Variants in SYCP3 observed in about 807,000 individuals in gnomAD.
SYCP3 encodes synaptonemal complex protein 3.
Under a neutral mutation model 38.5 loss-of-function variants are expected in SYCP3, and 29 were observed. The observed-to-expected ratio is 0.75, with a 90% confidence interval of 0.56 to 1.03. The LOEUF (loss-of-function observed/expected upper bound fraction) is 1.03. SYCP3 is among the 50% of genes least tolerant of loss of function. The probability of loss-of-function intolerance (pLI) is 0.00; values close to 1 mark genes in which losing one functional copy is unlikely to be tolerated. For synonymous variants in SYCP3, 79 were observed against 80.3 expected, an observed-to-expected ratio of 0.98 and a Z score of 0.08; for missense variants, 242 against 270.7, an observed-to-expected ratio of 0.89 and a Z score of 0.74.
chr12:101,730,534 C>T (rs548335273), intron 7 of SYCP3: 122 of 386,214 alleles, frequency 3.2e-4, no homozygotes, highest in South Asian at 2.2e-3. Context: ...CTCGCTGTCG[C>T]CCAGGCTGGA....
At chr12:101,736,868 TTAAC>T (rs1336521772) in intron 4 of SYCP3, among the ~76,000 whole-genome samples, 165 bp downstream of exon 4, 3 of 152,116 alleles carry the variant, frequency 2.0e-5, no homozygotes, top group Admixed American at 6.5e-5. Flanking sequence ...ATGGAAAAGA[TTAAC>T]TATGAAAATC....
intron 5 of SYCP3, 74 bp from the exon 6 acceptor site, chr12:101,733,748 A>T (rs2137060594): frequency 7.5e-7 from 1 of 1,340,152 alleles, no homozygotes; most frequent in East Asian, 2.4e-5. Context: ...AACTGAGTTG[A>T]CACAGTTATA....
At position 101,728,784 on chromosome 12, in the gene SYCP3, CAGAA is replaced by C; in HGVS notation, c.*139_*142del. 1 of 1,186,814 alleles carries C rather than the reference CAGAA, an allele frequency of 8.4e-7. No individual in the cohort carries two copies. The highest frequency in any genetic ancestry group is 1.4e-5 in the South Asian group (1 of 71,698). The allele number at this position is 1,186,814 out of a possible 1,614,324, so 73.5% of individuals were successfully genotyped here. On this transcript the variant is annotated 3_prime_UTR_variant, in exon 9 of 9. Coordinates refer to ENST00000392924, the MANE Select transcript of SYCP3 (RefSeq NM_001177949.2). ...TCATAACTATTTAGATTTGACTTAACAGAAAGGGAGGTCTTACAATGAAACAGGT... is the reference window on the plus strand; with the variant it reads ...TCATAACTATTTAGATTTGACTTAACAGGGAGGTCTTACAATGAAACAGGT...
chr12:101,735,871 A>ATATATATTTTT lies in SYCP3; in HGVS notation c.236-828_236-827insAAAAATATATA. Among the ~76,000 whole-genome samples the ATATATATTTTT allele has an allele frequency of 5.3e-5, 4 of 74,790 alleles. 1 individual carries two copies. The highest frequency in any genetic ancestry group is 1.9e-4 in the African/African-American group (3 of 15,920). The allele number at this position is 74,790 out of a possible 152,430, so 49.1% of individuals were successfully genotyped here. On this transcript the variant is annotated intron_variant, in intron 4 of 8. Transcript: ENST00000392924. ...CAATTTTATATATATATATATATAT[A>ATATATATTTTT]TTTTTTTTTTTTTAAAGACACGGGG...
In SYCP3 at chr12:101,737,836, C is replaced by CT. The variant is rs1566057999; in HGVS notation, c.99dup (p.Asp34ArgfsTer11). On this transcript the variant is annotated frameshift_variant, in exon 2 of 9. Coordinates refer to ENST00000392924, the MANE Select transcript of SYCP3 (RefSeq NM_001177949.2). LOFTEE classifies it high-confidence loss of function. Reference sequence around the variant, plus strand: ...ACATCTTCCTCTGATCCACTCAGATCTTTCTTATCTTCAGTCTCAAAGTCA... The same window carrying CT: ...ACATCTTCCTCTGATCCACTCAGATCTTTTCTTATCTTCAGTCTCAAAGTCA... The CT allele has an allele frequency of 6.2e-7, 1 of 1,614,218 alleles. No homozygotes were observed. The highest frequency in any genetic ancestry group is 1.3e-5 in the African/African-American group (1 of 75,066).
In SYCP3 at chr12:101,739,229, C is replaced by T. The variant is rs1239601062; in HGVS notation, c.-18+122G>A. ...CTGCTCAAGGCCCTGTCCTCAGGTT[C>T]GCGGCCTCCGTTTTCTCGTCAGAGG... is the stretch of plus-strand genomic sequence containing the variant. On this transcript the variant is annotated intron_variant, in intron 1 of 8. Coordinates refer to ENST00000392924, the MANE Select transcript of SYCP3 (RefSeq NM_001177949.2). 13 of 984,734 alleles carry T rather than the reference C, an allele frequency of 1.3e-5. No homozygotes were observed. In the African/African-American group the frequency reaches 1.6e-4, roughly 12 times the overall value. 61.0% of individuals were successfully genotyped at this position (984,734 alleles called of 1,614,324 possible). A position where few individuals can be genotyped will look rare whatever the true frequency, so the allele number is the denominator to read the frequency against.
rs1280263318 is a variant in SYCP3, at chr12:101,731,591, G to A, written c.529C>T (p.Gln177Ter). The A allele has an allele frequency of 1.2e-6, 2 of 1,605,978 alleles. No homozygotes were observed. The highest frequency in any genetic ancestry group is 2.7e-5 in the African/African-American group (2 of 74,740). ...ACCTTTATGAACTGCTCATATAACT[G>A]TTTAATTGTTTTCAATCTCTGGCTC... Reference protein sequence around the residue: ...VQSQRLKTIKQLYEQFIKSME... With the variant: ...VQSQRLKTIK The change falls in exon 7 of 9, where the codon CAG (glutamine) becomes TAG (stop). Residue 177 changes from glutamine to a stop codon, truncating the protein, a stop_gained. Coordinates refer to ENST00000392924, the MANE Select transcript of SYCP3 (RefSeq NM_001177949.2). LOFTEE classifies it high-confidence loss of function.
chr12:101,731,320 G>A (rs900138796), intron 7 of SYCP3, among the ~76,000 whole-genome samples: 8 of 152,056 alleles, frequency 5.3e-5, no homozygotes, highest in Non-Finnish European at 2.9e-5. Flanking sequence ...TGGATTTTAT[G>A]CATGATAAGT....
rs1952275721 is a variant in SYCP3 at position 101,733,668 on chromosome 12, C to T, written c.360G>A (p.Lys120=). 6.2e-7 allele frequency: 1 copy of T among 1,610,014 alleles called. No individual in the cohort carries two copies. The highest frequency in any genetic ancestry group is 1.3e-5 in the African/African-American group (1 of 74,922). Residue 120 remains lysine (K), a synonymous_variant, in exon 6 of 9, where the codon AAG becomes AAA. Transcript: ENST00000392924. The part of the protein sequence containing the change: ...VWKTQQDQRQ[K]LNQEYSQQFL... Reference sequence around the variant, plus strand: ...ACTGCTGAGAATATTCTTGGTTAAGCTTCTGCCTGTAAAACATAATGATGA... The same window carrying T: ...ACTGCTGAGAATATTCTTGGTTAAGTTTCTGCCTGTAAAACATAATGATGA...
intron 4 of SYCP3, among the ~76,000 whole-genome samples, chr12:101,735,841 A>G (rs976468257): frequency 7.6e-6 from 1 of 131,706 alleles, no homozygotes; most frequent in African/African-American, 3.0e-5. Context: ...TATTTTTAAT[A>G]TAATCAATTT....
chr12:101,735,871 A>ATATTTTTTTTTTTTTTTT, intron 4 of SYCP3, among the ~76,000 whole-genome samples: 1 of 74,788 alleles, frequency 1.3e-5, no homozygotes, highest in Non-Finnish European at 2.5e-5. Flanking sequence ...ATATATATAT[A>ATATTTTTTTTTTTTTTTT]TTTTTTTTTT....
rs1159644728 is a variant in SYCP3 at position 101,737,357 on chromosome 12, G to T, written c.134-59C>A. On this transcript the variant is annotated intron_variant, in intron 2 of 8. Transcript: ENST00000392924. ...TTTTGAAACTGAATAGGTTATTTTGGTAAATTTTAATGAAACATCTTCATT... is the reference window on the plus strand; with the variant it reads ...TTTTGAAACTGAATAGGTTATTTTGTTAAATTTTAATGAAACATCTTCATT... 3.8e-5 allele frequency: 55 copies of T among 1,465,118 alleles called. No individual in the cohort carries two copies. In the South Asian group the frequency reaches 5.2e-4, roughly 14 times the overall value. 90.8% of individuals were successfully genotyped at this position (1,465,118 alleles called of 1,614,324 possible). A position where few individuals can be genotyped will look rare whatever the true frequency, so the allele number is the denominator to read the frequency against.
chr12:101,729,298 GT>G, intron 7 of SYCP3, 85 bp from the exon 8 acceptor site: 1 of 1,315,192 alleles, frequency 7.6e-7, no homozygotes, highest in Admixed American at 2.2e-5. Flanking sequence ...TTCAAAAGTA[GT>G]AATTTTTGAA....
At position 101,728,839 on chromosome 12, in the gene SYCP3, A is replaced by G; in HGVS notation, c.*88T>C. 1.3e-6 allele frequency: 2 copies of G among 1,570,424 alleles called. No homozygotes were observed. The highest frequency in any genetic ancestry group is 1.7e-6 in the Non-Finnish European group (2 of 1,146,156). ...TTATGATTAAAGATGTTACAATTAA[A>G]CTATTCTAAAGACTTACAATATGCT... On this transcript the variant is annotated 3_prime_UTR_variant, in exon 9 of 9. Transcript: ENST00000392924.
At chr12:101,730,542 G>T in intron 7 of SYCP3, 1 of 383,644 alleles carries the variant, frequency 2.6e-6, no homozygotes, top group East Asian at 8.2e-5. Flanking sequence ...CGCCCAGGCT[G>T]GAGTACAGTA....
Position 101,731,763 on chromosome 12 carries a change from T to TA in SYCP3, c.454-98dup, listed in dbSNP as rs1452557817. The TA allele has an allele frequency of 2.2e-5, 19 of 846,132 alleles. No homozygotes were observed. The African/African-American group carries it at 2.6e-4, about 11-fold the overall frequency. 52.4% of individuals were successfully genotyped at this position (846,132 alleles called of 1,614,324 possible). A position where few individuals can be genotyped will look rare whatever the true frequency, so the allele number is the denominator to read the frequency against. On this transcript the variant is annotated intron_variant, in intron 6 of 8. Coordinates refer to ENST00000392924, the MANE Select transcript of SYCP3 (RefSeq NM_001177949.2). Reference sequence around the variant, plus strand: ...CTACATTAAACTTAAAAGAAAGTGTTAAAAATCAATGCTTTTAAAATTTTA... The same window carrying TA: ...CTACATTAAACTTAAAAGAAAGTGTTAAAAAATCAATGCTTTTAAAATTTTA...
In SYCP3 at chr12:101,739,401, T is replaced by C. The variant is rs1952621357; in HGVS notation, c.-68A>G. On this transcript the variant is annotated 5_prime_UTR_variant, in exon 1 of 9. Coordinates refer to ENST00000392924, the MANE Select transcript of SYCP3 (RefSeq NM_001177949.2). ...ACCAGTTACTGGTCGTCGACAGGCG[T>C]CCTCCACAACTCCTCCACAAGCGCG... The C allele has an allele frequency of 2.0e-6, 2 of 1,002,526 alleles. No homozygotes were observed. Among genetic ancestry groups the C allele is most frequent in the Middle Eastern group, 2.8e-4 (1 of 3,572 alleles). 62.1% of individuals were successfully genotyped at this position (1,002,526 alleles called of 1,614,324 possible). A position where few individuals can be genotyped will look rare whatever the true frequency, so the allele number is the denominator to read the frequency against.
chr12:101,733,775 A>G, intron 5 of SYCP3, 101 bp from the exon 6 acceptor site: 1 of 1,051,124 alleles, frequency 9.5e-7, no homozygotes, highest in Non-Finnish European at 1.4e-6. Context: ...AAGAAAAGGA[A>G]ATACCTGCAG....
chr12:101,735,871 A>ATATATATATATATTTTTTTTTTTT, intron 4 of SYCP3, among the ~76,000 whole-genome samples: 21 of 74,736 alleles, frequency 2.8e-4, no homozygotes, highest in South Asian at 2.1e-3. Flanking sequence ...ATATATATAT[A>ATATATATATATATTTTTTTTTTTT]TTTTTTTTTT....
Sources: allele counts gnomAD v4.1 joint callset (sites outside exome capture counted in the v4.1 genomes callset), GRCh38; gene constraint gnomAD v4.1.1; transcripts MANE v1.5; gene names NCBI Gene and HGNC (gene_info 2026-07-23, HGNC 2026-07-21).